The following PAK5 variants were observed in gnomAD, a reference collection of about 807,000 sequenced individuals.
PAK5 encodes p21 (RAC1) activated kinase 5, also known as serine/threonine-protein kinase PAK 5.
Under a neutral mutation model 65.9 loss-of-function variants are expected in PAK5, and 16 were observed. That is an observed-to-expected ratio of 0.24 (90% CI 0.16 to 0.37). The LOEUF is 0.37. PAK5 is among the 10% of genes least tolerant of loss of function. PAK5 has a pLI of 1.00. For missense variants in PAK5, 785 were observed against 903.9 expected, an observed-to-expected ratio of 0.87 and a Z score of 1.69; for synonymous variants, 371 against 354.9, an observed-to-expected ratio of 1.05 and a Z score of -0.51.
intron 2 of PAK5, among the ~76,000 whole-genome samples, chr20:9,668,720 A>T (rs1044984102): frequency 5.3e-5 from 8 of 152,228 alleles, no homozygotes; most frequent in African/African-American, 1.9e-4. Context: ...GTTCCTGGAT[A>T]CCAGGGTGCT....
At chr20:9,737,995 G>C (rs942587421) in intron 1 of PAK5, among the ~76,000 whole-genome samples, 1 of 152,098 alleles carries the variant, frequency 6.6e-6, no homozygotes, top group African/African-American at 2.4e-5. Context: ...ACAAAAATTA[G>C]CTGGGTGTGG....
At chr20:9,640,059 A>G (rs186646898) in intron 3 of PAK5, among the ~76,000 whole-genome samples, 5 of 151,546 alleles carry the variant, frequency 3.3e-5, no homozygotes, top group Non-Finnish European at 5.9e-5. Context: ...AATGTTTATT[A>G]TTTTTTTTTA....
chr20:9,700,902 T>C (rs1405878174), intron 2 of PAK5, among the ~76,000 whole-genome samples: 2 of 152,168 alleles, frequency 1.3e-5, no homozygotes, highest in African/African-American at 4.8e-5. Context: ...TGTTTTTTAA[T>C]AAAGCAATGT....
chr20:9,755,929 T>G (rs1460456112), intron 1 of PAK5, among the ~76,000 whole-genome samples: 2 of 152,138 alleles, frequency 1.3e-5, no homozygotes, highest in African/African-American at 4.8e-5. Flanking sequence ...TCTTCATGGC[T>G]CTTATATATG....
chr20:9,611,316 A>G (rs535412965), intron 3 of PAK5, among the ~76,000 whole-genome samples: 1 of 152,294 alleles, frequency 6.6e-6, no homozygotes, highest in Non-Finnish European at 1.5e-5. Context: ...AACAGAACAT[A>G]AAGTCCTGTT....
At chr20:9,817,341 AATGTAC>A (rs375896364) in intron 1 of PAK5, among the ~76,000 whole-genome samples, 197 of 152,264 alleles carry the variant, frequency 1.3e-3, no homozygotes, top group Admixed American at 3.7e-3. Flanking sequence ...CAAATGTCAT[AATGTAC>A]ATTCATTGAG....
intron 3 of PAK5, among the ~76,000 whole-genome samples, chr20:9,633,921 T>C (rs1006996529): frequency 9.2e-5 from 14 of 152,328 alleles, no homozygotes; most frequent in African/African-American, 3.1e-4. Context: ...GTACATTCAA[T>C]TTGTGTTTAC....
rs944712383 is a variant in PAK5, at chr20:9,537,750, A to C, written c.*1712T>G. The stretch of plus-strand genomic sequence containing the variant: ...TCTCACATATTTATATTAATGCTTT[A>C]ATATTTTACATAAAACATTGATTTG... On this transcript the variant is annotated 3_prime_UTR_variant, in exon 10 of 10. Transcript: ENST00000353224. The C allele has an allele frequency of 4.5e-5, 10 of 220,872 alleles. No individual in the cohort carries two copies. Among genetic ancestry groups the C allele is most frequent in the Non-Finnish European group, 6.3e-5 (7 of 110,522 alleles). 13.7% of individuals were successfully genotyped at this position (220,872 alleles called of 1,614,324 possible).
intron 9 of PAK5, among the ~76,000 whole-genome samples, chr20:9,541,894 C>T (rs936303657): frequency 6.6e-6 from 1 of 152,226 alleles, no homozygotes; most frequent in African/African-American, 2.4e-5. Context: ...TGCGCTCTCT[C>T]TCTCCTGCCA....
At chr20:9,645,311 T>C (rs1474315576) in intron 2 of PAK5, among the ~76,000 whole-genome samples, 2 of 152,230 alleles carry the variant, frequency 1.3e-5, no homozygotes, top group Admixed American at 6.5e-5. Context: ...CTAGAAAATA[T>C]GTAAAATAGG....
At chr20:9,799,918 A>G (rs2049148267) in intron 1 of PAK5, among the ~76,000 whole-genome samples, 1 of 144,022 alleles carries the variant, frequency 6.9e-6, no homozygotes, top group African/African-American at 2.6e-5. Flanking sequence ...TCCAGCCTGT[A>G]ATAGAGTGAG....
chr20:9,694,855 G>A (rs143738193), intron 2 of PAK5, among the ~76,000 whole-genome samples: 2 of 152,120 alleles, frequency 1.3e-5, no homozygotes, highest in Non-Finnish European at 2.9e-5. Context: ...CTGCCTGAAT[G>A]TTCAAGTACG....
intron 3 of PAK5, among the ~76,000 whole-genome samples, chr20:9,627,604 C>T (rs918218927): frequency 1.3e-5 from 2 of 151,988 alleles, no homozygotes; most frequent in African/African-American, 4.8e-5. Context: ...GGTATTTTTC[C>T]ATTCAATGTT....
intron 1 of PAK5, among the ~76,000 whole-genome samples, chr20:9,807,188 T>C (rs2049243086): frequency 6.6e-6 from 1 of 152,344 alleles, no homozygotes; most frequent in Non-Finnish European, 1.5e-5. Context: ...TTTTGTCATA[T>C]AAAGGAATGT....
chr20:9,590,374 T>A (rs978370672), intron 3 of PAK5, among the ~76,000 whole-genome samples: 3 of 152,184 alleles, frequency 2.0e-5, no homozygotes, highest in Non-Finnish European at 4.4e-5. Context: ...CAGGAAGCCA[T>A]GTGACTCATG....
intron 4 of PAK5, among the ~76,000 whole-genome samples, chr20:9,570,413 A>G (rs1482880227): frequency 1.3e-5 from 2 of 152,190 alleles, no homozygotes; most frequent in Non-Finnish European, 2.9e-5. Context: ...TTCAAAACCA[A>G]GCTGATTCTT....
At chr20:9,730,117 A>G (rs1049858425) in intron 1 of PAK5, among the ~76,000 whole-genome samples, 3 of 151,908 alleles carry the variant, frequency 2.0e-5, no homozygotes, top group African/African-American at 7.2e-5. Context: ...ATAAAAATAG[A>G]CATGTAAAAT....
chr20:9,570,798 A>G (rs1335554991), intron 4 of PAK5, among the ~76,000 whole-genome samples: 3 of 152,226 alleles, frequency 2.0e-5, no homozygotes, highest in Non-Finnish European at 4.4e-5. Flanking sequence ...TATATTAAAA[A>G]TGGGAAAGCT....
chr20:9,766,446 G>A (rs1396265026), intron 1 of PAK5, among the ~76,000 whole-genome samples: 270 of 15,808 alleles, frequency 0.017, 28 homozygotes, highest in African/African-American at 0.021. Context: ...GAATATATAT[G>A]TATATATATA....
Sources: gnomAD v4.1 joint callset for allele counts (sites outside exome capture counted in the v4.1 genomes callset) on GRCh38, gnomAD v4.1.1 for gene constraint, MANE v1.5 for transcripts, NCBI Gene and HGNC (gene_info 2026-07-23, HGNC 2026-07-21) for gene names.